SLC2A8: variants seen among roughly 807,000 people sequenced by gnomAD.
SLC2A8 encodes solute carrier family 2, facilitated glucose transporter member 8.
Under a neutral mutation model 49.2 loss-of-function variants are expected in SLC2A8, and 53 were observed. The ratio of observed to expected loss-of-function variants is 1.08; its 90% CI spans 0.86 to 1.35. The LOEUF is 1.35. Among genes scored for constraint, SLC2A8 ranks in the 40% most tolerant of loss-of-function variants. The pLI is 0.00. For missense variants in SLC2A8, 688 were observed against 671.7 expected, an observed-to-expected ratio of 1.02 and a Z score of -0.27; for synonymous variants, 299 against 297.0, an observed-to-expected ratio of 1.01 and a Z score of -0.07.
intron 7 of SLC2A8, 161 bp downstream of exon 7, chr9:127,404,228 G>C: frequency 1.7e-6 from 1 of 594,260 alleles, no homozygotes; most frequent in Non-Finnish European, 3.0e-6. Context: ...ACTCACTGCA[G>C]GCCTGTCCAT....
intron 3 of SLC2A8, 150 bp downstream of exon 3, chr9:127,398,261 TC>T: frequency 1.2e-6 from 1 of 842,996 alleles, no homozygotes; most frequent in East Asian, 2.4e-5. Context: ...TCGCGGTCCC[TC>T]CCGTCGACCC....
At chr9:127,404,426 G>A in intron 7 of SLC2A8, 1 of 323,288 alleles carries the variant, frequency 3.1e-6, no homozygotes, top group Non-Finnish European at 5.7e-6. Context: ...GGAAGTGGGG[G>A]TAATGGCAGT....
rs140979737 is a variant in SLC2A8 at position 127,403,666 on chromosome 9, C to T, written c.730C>T (p.His244Tyr). The T allele has an allele frequency of 1.1e-5, 17 of 1,612,834 alleles. No homozygotes were observed. The East Asian group carries it at 1.3e-4, about 13-fold the overall frequency. Reference sequence around the variant, plus strand: ...CCAGTATCCGTCAGAGCAGAGCTTTCACCTGGCCCTGCTGCGGCAGCCCGG... The same window carrying T: ...CCAGTATCCGTCAGAGCAGAGCTTTTACCTGGCCCTGCTGCGGCAGCCCGG... ...DPPIGAEQSFHLALLRQPGIY... is the reference protein window; with the variant it reads ...DPPIGAEQSFYLALLRQPGIY... The change falls in exon 6 of 10, where the codon CAC becomes TAC. Residue 244 changes from histidine to tyrosine, a missense_variant. Physicochemically the swap from His to Tyr is moderately conservative, Grantham distance 83. Transcript: ENST00000373371.
At position 127,402,631 on chromosome 9, in the gene SLC2A8, T is replaced by C. The variant is rs755259322; in HGVS notation, c.601T>C (p.Phe201Leu). The change falls in exon 5 of 10, where the codon TTC becomes CTC. Residue 201 changes from phenylalanine to leucine, a missense_variant. Physicochemically the swap from Phe to Leu is conservative, Grantham distance 22. Transcript: ENST00000373371. ...CTCCCTCATGCTGCTTCTCATGTGC[T>C]TCATGCCCGAGACCCCGCGCTTCCT... is the stretch of plus-strand genomic sequence containing the variant. Reference protein sequence around the residue: ...PPSLMLLLMCFMPETPRFLLT... With the variant: ...PPSLMLLLMCLMPETPRFLLT... 7 of 1,597,858 alleles carry C rather than the reference T, an allele frequency of 4.4e-6. No homozygotes were observed. The South Asian group carries it at 6.8e-5, about 15-fold the overall frequency.
chr9:127,402,422 T>C, intron 4 of SLC2A8, 135 bp from the exon 5 acceptor site: 2 of 1,329,254 alleles, frequency 1.5e-6, no homozygotes, highest in Non-Finnish European at 9.9e-7. Flanking sequence ...ATAATGGCAA[T>C]GTCAGTAGCG....
Position 127,402,538 on chromosome 9 carries a change from C to T in SLC2A8, c.527-19C>T, listed in dbSNP as rs769188195. ...TCACCCTGGCTCTGACGCCAGCCTC[C>T]TCCACCCACCCCCCGCAGGCTGGGT... On this transcript the variant is annotated intron_variant, in intron 4 of 9. Transcript: ENST00000373371. The T allele has an allele frequency of 4.0e-6, 6 of 1,505,382 alleles. No homozygotes were observed. Among genetic ancestry groups the T allele is most frequent in the African/African-American group, 1.4e-5 (1 of 72,250 alleles). 93.3% of individuals were successfully genotyped at this position (1,505,382 alleles called of 1,614,324 possible).
intron 5 of SLC2A8, chr9:127,403,440 C>G: frequency 3.4e-6 from 2 of 593,452 alleles, no homozygotes; most frequent in Middle Eastern, 4.5e-4. Flanking sequence ...TGGCTCCCCC[C>G]CACCTATCAG....
At chr9:127,400,658 G>A (rs1002394841) in intron 4 of SLC2A8, among the ~76,000 whole-genome samples, 4 of 152,154 alleles carry the variant, frequency 2.6e-5, no homozygotes, top group African/African-American at 7.2e-5. Context: ...GGCTGAGCAA[G>A]TCCCCTGAGA....
chr9:127,397,184 G>GT lies in SLC2A8; in HGVS notation c.-46dup. ...GGTGCGGGCCGCACTCGCAGGGCCC[G>GT]TGGCGGTTCAGGCGCCAGAGCTGGC... is the stretch of plus-strand genomic sequence containing the variant. On this transcript the variant is annotated 5_prime_UTR_variant, in exon 1 of 10. Coordinates refer to ENST00000373371, the MANE Select transcript of SLC2A8 (RefSeq NM_014580.5). 6.9e-7 allele frequency: 1 copy of GT among 1,441,224 alleles called. No homozygotes were observed. The highest frequency in any genetic ancestry group is 9.0e-7 in the Non-Finnish European group (1 of 1,105,636). The allele number at this position is 1,441,224 out of a possible 1,614,324, so 89.3% of individuals were successfully genotyped here. A position where few individuals can be genotyped will look rare whatever the true frequency, so the allele number is the denominator to read the frequency against.
At position 127,398,057 on chromosome 9, in the gene SLC2A8, G is replaced by A. The variant is rs183761329; in HGVS notation, c.372G>A (p.Leu124=). Residue 124 remains leucine (L), a synonymous_variant, in exon 3 of 10, where the codon CTG becomes CTA. Coordinates refer to ENST00000373371, the MANE Select transcript of SLC2A8 (RefSeq NM_014580.5). ...CGGCCCAGGACGTGTGGATGCTGCT[G>A]GGGGGCCGCCTCCTCACCGGCCTGG... ...ITAAQDVWML[L]GGRLLTGLAC... 29 of 1,588,894 alleles carry A rather than the reference G, an allele frequency of 1.8e-5. No individual in the cohort carries two copies. Among genetic ancestry groups the A allele is most frequent in the South Asian group, 2.3e-5 (2 of 88,836 alleles).
intron 1 of SLC2A8, 37 bp downstream of exon 1, chr9:127,397,323 GC>G: frequency 7.2e-7 from 1 of 1,379,796 alleles, no homozygotes. Flanking sequence ...ATGCGGCCTC[GC>G]CCTCCCGCCC....
At chr9:127,397,877 C>T (rs1564212807) in intron 2 of SLC2A8, 28 bp from the exon 3 acceptor site, 16 of 1,453,510 alleles carry the variant, frequency 1.1e-5, no homozygotes, top group Admixed American at 5.0e-5. Flanking sequence ...GCTTCGGCGC[C>T]CCCTCCTCAG....
rs773148433 is a variant in SLC2A8 at position 127,404,915 on chromosome 9, T to C, written c.1074T>C (p.Pro358=). 7.4e-6 allele frequency: 12 copies of C among 1,612,378 alleles called. No homozygotes were observed. Among genetic ancestry groups the C allele is most frequent in the Non-Finnish European group, 1.0e-5 (12 of 1,179,850 alleles). Reference sequence around the variant, plus strand: ...CCTCGCACGTGGCCATCTCGGCGCCTGTCTCTGCACAGCCTGTTGATGCCA... The same window carrying C: ...CCTCGCACGTGGCCATCTCGGCGCCCGTCTCTGCACAGCCTGTTGATGCCA... ...GNSSHVAISA[P]VSAQPVDASV... Residue 358 remains proline, a synonymous_variant, in exon 8 of 10, where the codon CCT becomes CCC. Coordinates refer to ENST00000373371, the MANE Select transcript of SLC2A8 (RefSeq NM_014580.5).
intron 4 of SLC2A8, 65 bp downstream of exon 4, chr9:127,400,071 C>T (rs1589004640): frequency 2.1e-6 from 3 of 1,414,012 alleles, no homozygotes; most frequent in Non-Finnish European, 3.0e-6. Context: ...GATGTGTAAA[C>T]AGAGGTTCAG....
At chr9:127,404,779 C>A in intron 7 of SLC2A8, 39 bp from the exon 8 acceptor site, 1 of 1,591,440 alleles carries the variant, frequency 6.3e-7, no homozygotes, top group Non-Finnish European at 8.6e-7. Flanking sequence ...CTGGGCCGTT[C>A]CCCGGGTGCC....
At position 127,403,711 on chromosome 9, in the gene SLC2A8, A is replaced by G. The variant is rs770750359; in HGVS notation, c.775A>G (p.Ile259Val). Residue 259 changes from isoleucine to valine, a missense_variant, in exon 6 of 10, where the codon ATC (isoleucine) becomes GTC (valine). Physicochemically the swap from Ile to Val is conservative, Grantham distance 29. Coordinates refer to ENST00000373371, the MANE Select transcript of SLC2A8 (RefSeq NM_014580.5). ...GCCCGGCATCTACAAGCCCTTCATCATCGGCGTCTCCCTGATGGCCTTCCA... is the reference window on the plus strand; with the variant it reads ...GCCCGGCATCTACAAGCCCTTCATCGTCGGCGTCTCCCTGATGGCCTTCCA... ...RQPGIYKPFI[I>V]GVSLMAFQQL... 3 of 1,612,890 alleles carry G rather than the reference A, an allele frequency of 1.9e-6. No individual in the cohort carries two copies. Among genetic ancestry groups the G allele is most frequent in the African/African-American group, 1.3e-5 (1 of 74,856 alleles).
intron 2 of SLC2A8, 75 bp downstream of exon 2, chr9:127,397,613 C>T (rs1380435492): frequency 5.9e-6 from 8 of 1,358,876 alleles, no homozygotes; most frequent in Non-Finnish European, 7.5e-6. Context: ...GGACCCTCCG[C>T]CCCCCACCCT....
At chr9:127,406,010 G>A (rs1210110440) in intron 9 of SLC2A8, 1 of 521,328 alleles carries the variant, frequency 1.9e-6, no homozygotes, top group Admixed American at 1.9e-5. Flanking sequence ...AGACGGATGG[G>A]AGCATTAATT....
Position 127,397,499 on chromosome 9 carries a change from G to A in SLC2A8, c.180G>A (p.Pro60=). The A allele has an allele frequency of 1.4e-6, 2 of 1,449,060 alleles. No individual in the cohort carries two copies. Among genetic ancestry groups the A allele is most frequent in the Non-Finnish European group, 1.8e-6 (2 of 1,111,228 alleles). 89.8% of individuals were successfully genotyped at this position (1,449,060 alleles called of 1,614,324 possible). Residue 60 remains proline (P), a synonymous_variant, in exon 2 of 10, where the codon CCG becomes CCA. Coordinates refer to ENST00000373371, the MANE Select transcript of SLC2A8 (RefSeq NM_014580.5). ...CTAGCCTGCAGCGCGCCGCGCCCCC[G>A]GCCCCGCGCCTGGACGACGCCGCCG... is the stretch of plus-strand genomic sequence containing the variant. The part of the protein sequence containing the change: ...AIPSLQRAAP[P]APRLDDAAAS...
Sources: allele counts gnomAD v4.1 joint callset (sites outside exome capture counted in the v4.1 genomes callset), GRCh38; gene constraint gnomAD v4.1.1; transcripts MANE v1.5; gene names NCBI Gene and HGNC (gene_info 2026-07-23, HGNC 2026-07-21).